The following RBM20 variants were observed in gnomAD, a reference collection of about 807,000 sequenced individuals.
RBM20 encodes the protein RNA-binding protein 20.
In RBM20, 51 loss-of-function variants were observed where a neutral mutation model predicts 110.1. That is an observed-to-expected ratio of 0.46 (90% confidence interval 0.37 to 0.59). The LOEUF (loss-of-function observed/expected upper bound fraction) is 0.59. Among genes scored for constraint, RBM20 ranks in the 20% least tolerant of loss-of-function variants. The pLI, the probability that RBM20 is intolerant of heterozygous loss-of-function variation, is 0.00. For synonymous variants in RBM20, 589 were observed against 618.2 expected (o/e 0.95, Z 0.70); for missense variants, 1,512 against 1,574.9 (o/e 0.96, Z 0.68).
intron 1 of RBM20, among the ~76,000 whole-genome samples, chr10:110,654,383 A>G (rs1861991659): frequency 6.6e-6 from 1 of 152,218 alleles, no homozygotes; most frequent in Admixed American, 6.5e-5. Flanking sequence ...ATTTAACTCT[A>G]TAAGAGACAT....
rs1055497494 is a variant in RBM20 at position 110,739,126 on chromosome 10, GTCTT to G, written c.192-41671_192-41668del. Among the ~76,000 whole-genome samples, 4 of 152,170 alleles carry G rather than the reference GTCTT, an allele frequency of 2.6e-5. No homozygotes were observed. The highest frequency in any genetic ancestry group is 7.2e-5 in the African/African-American group (3 of 41,432). On this transcript the variant is annotated intron_variant, in intron 1 of 13. Coordinates refer to ENST00000369519, the MANE Select transcript of RBM20 (RefSeq NM_001134363.3). This position sits in a 1 kb window ranked among gnomAD's most constrained non-coding sequence, Gnocchi z 4.1. ...TGGCTGGGCACAGGATCAGATGGAT[GTCTT>G]TCTGTCTGTTGACAGGTCCTCCTGA...
intron 13 of RBM20, among the ~76,000 whole-genome samples, chr10:110,833,390 G>GAAAAGAAAAAAAAA (rs1845081506): frequency 1.6e-5 from 1 of 62,202 alleles, no homozygotes; most frequent in Non-Finnish European, 2.9e-5. Context: ...CTCTGTCTCA[G>GAAAAGAAAAAAAAA]AAAAAAAAAA....
At chr10:110,722,647 ACT>A (rs1176260911) in intron 1 of RBM20, among the ~76,000 whole-genome samples, 5 of 151,962 alleles carry the variant, frequency 3.3e-5, no homozygotes, top group Admixed American at 2.6e-4. Context: ...TTTTTCCACC[ACT>A]CTCAAACTCA....
At position 110,821,726 on chromosome 10, in the gene RBM20, A is replaced by G. The variant is rs1171928526; in HGVS notation, c.3107A>G (p.Asp1036Gly). The change falls in exon 11 of 14, where the codon GAT (aspartate) becomes GGT (glycine). Residue 1036 changes from aspartate to glycine, a missense_variant. Around this residue, in one of 3 missense-constraint regions of RBM20, gnomAD observed 358 missense variants for 384.2 expected, o/e 0.93. Coordinates refer to ENST00000369519, the MANE Select transcript of RBM20 (RefSeq NM_001134363.3). Reference sequence around the variant, plus strand: ...GAGGCAAAGGGAGTGGAGAGCTCAGATGTTCATCCAGCCCCTACAGTCCAG... The same window carrying G: ...GAGGCAAAGGGAGTGGAGAGCTCAGGTGTTCATCCAGCCCCTACAGTCCAG... The part of the protein sequence containing the change: ...EKEAKGVESS[D>G]VHPAPTVQQM... 1.3e-6 allele frequency: 2 copies of G among 1,551,750 alleles called. No individual in the cohort carries two copies. Among genetic ancestry groups the G allele is most frequent in the Admixed American group, 3.9e-5 (2 of 51,010 alleles).
chr10:110,767,136 G>C lies in RBM20; in HGVS notation c.192-13665G>C, dbSNP rs548669502. Among the ~76,000 whole-genome samples, 7 of 106,738 alleles carry C rather than the reference G, an allele frequency of 6.6e-5. 1 individual carries two copies. Among genetic ancestry groups the C allele is most frequent in the Non-Finnish European group, 8.1e-5 (4 of 49,536 alleles). 70.0% of individuals were successfully genotyped at this position (106,738 alleles called of 152,430 possible). On this transcript the variant is annotated intron_variant, in intron 1 of 13. Transcript: ENST00000369519. ...GGCTGACCCCCCCCACCTCCCTCCC[G>C]GATGGGGTGGCTGGCCGGGCGGGGG...
intron 1 of RBM20, among the ~76,000 whole-genome samples, chr10:110,680,811 G>A (rs529930213): frequency 1.3e-5 from 2 of 152,254 alleles, no homozygotes; most frequent in African/African-American, 4.8e-5. Flanking sequence ...TCGAGGGTCC[G>A]TTTGCTCAGC....
rs1011448616 is a variant in RBM20 at position 110,838,938 on chromosome 10, C to T, written c.*2960C>T. The T allele has an allele frequency of 2.0e-5, 3 of 152,190 alleles. No homozygotes were observed. Among genetic ancestry groups the T allele is most frequent in the Non-Finnish European group, 4.4e-5 (3 of 68,042 alleles). 9.4% of individuals were successfully genotyped at this position (152,190 alleles called of 1,614,324 possible). On this transcript the variant is annotated 3_prime_UTR_variant, in exon 14 of 14. Transcript: ENST00000369519. ...TTTTTATTTCTATGTGTGCCACACA[C>T]AATGCAGTATTAATGGCAACCAGGT...
intron 1 of RBM20, among the ~76,000 whole-genome samples, chr10:110,715,811 C>T (rs1202686075): frequency 6.6e-6 from 1 of 152,130 alleles, no homozygotes; most frequent in East Asian, 1.9e-4. Flanking sequence ...ATTACAATTA[C>T]AGTACTGAAG....
At chr10:110,726,203 G>A (rs1843558525) in intron 1 of RBM20, among the ~76,000 whole-genome samples, 2 of 152,176 alleles carry the variant, frequency 1.3e-5, no homozygotes, top group Non-Finnish European at 1.5e-5. Context: ...GACCACGAAA[G>A]GGCTCAGGTT....
At position 110,831,232 on chromosome 10, in the gene RBM20, AT is replaced by A. The variant is rs1267288545; in HGVS notation, c.3573+51del. Reference sequence around the variant, plus strand: ...GCATGCCAGGGGCTCCCCAGTCTCCATAACCGAGCCAGGTGTCTGGCGTCCT... The same window carrying A: ...GCATGCCAGGGGCTCCCCAGTCTCCAAACCGAGCCAGGTGTCTGGCGTCCT... On this transcript the variant is annotated intron_variant, in intron 13 of 13. Coordinates refer to ENST00000369519, the MANE Select transcript of RBM20 (RefSeq NM_001134363.3). 4 of 1,533,494 alleles carry A rather than the reference AT, an allele frequency of 2.6e-6. No homozygotes were observed. In the African/African-American group the frequency reaches 5.5e-5, roughly 21 times the overall value. The allele number at this position is 1,533,494 out of a possible 1,614,324, so 95.0% of individuals were successfully genotyped here. A position where few individuals can be genotyped will look rare whatever the true frequency, so the allele number is the denominator to read the frequency against.
At chr10:110,720,018 C>T (rs1159436944) in intron 1 of RBM20, among the ~76,000 whole-genome samples, 3 of 151,956 alleles carry the variant, frequency 2.0e-5, no homozygotes, top group South Asian at 2.1e-4. Context: ...GCTGTACCCT[C>T]CTATGGCAAG....
chr10:110,802,270 C>G (rs1844636526), intron 7 of RBM20, among the ~76,000 whole-genome samples: 1 of 152,140 alleles, frequency 6.6e-6, no homozygotes, highest in African/African-American at 2.4e-5. Context: ...TGACAAGTCT[C>G]CATATGTAGA....
chr10:110,796,100 A>G (rs1178532789), intron 5 of RBM20, among the ~76,000 whole-genome samples: 3 of 152,338 alleles, frequency 2.0e-5, no homozygotes. Context: ...GATTCCCACA[A>G]ACTTTCTATG....
At chr10:110,661,920 A>C (rs1471047517) in intron 1 of RBM20, among the ~76,000 whole-genome samples, 1 of 151,912 alleles carries the variant, frequency 6.6e-6, no homozygotes, top group Non-Finnish European at 1.5e-5. Context: ...CTGAGGCAGG[A>C]GAATCGCTTG....
At chr10:110,827,561 T>C (rs1359588850) in intron 12 of RBM20, among the ~76,000 whole-genome samples, 2 of 152,220 alleles carry the variant, frequency 1.3e-5, no homozygotes, top group African/African-American at 4.8e-5. Flanking sequence ...ATCCCCTGTC[T>C]ACTACCTACT....
At chr10:110,685,318 G>A (rs1464085759) in intron 1 of RBM20, among the ~76,000 whole-genome samples, 1 of 152,194 alleles carries the variant, frequency 6.6e-6, no homozygotes, top group Non-Finnish European at 1.5e-5. Flanking sequence ...AGTGCCCTGT[G>A]CCCTTCTGAG....
At chr10:110,676,862 T>C (rs1862347443) in intron 1 of RBM20, among the ~76,000 whole-genome samples, 2 of 152,204 alleles carry the variant, frequency 1.3e-5, no homozygotes, top group African/African-American at 4.8e-5. Flanking sequence ...AGGTTTAAAA[T>C]ATATGTAGCT....
intron 5 of RBM20, among the ~76,000 whole-genome samples, chr10:110,788,901 C>A (rs12774122): frequency 0.046 from 7,013 of 152,194 alleles, 219 homozygotes; most frequent in African/African-American, 0.08. Flanking sequence ...ATATACATTT[C>A]TAATGTTTTT....
chr10:110,699,210 A>G (rs571515339), intron 1 of RBM20, among the ~76,000 whole-genome samples: 7 of 150,930 alleles, frequency 4.6e-5, no homozygotes, highest in African/African-American at 1.5e-4. Context: ...TACTCAAGGC[A>G]TGCTGATTTT....
Sources: gnomAD v4.1 joint callset for allele counts (sites outside exome capture counted in the v4.1 genomes callset) on GRCh38, gnomAD v4.1.1 for gene constraint, gnomAD v4.1.1 regional missense constraint, Gnocchi (gnomAD v3.1) non-coding constraint, MANE v1.5 for transcripts, NCBI Gene and HGNC (gene_info 2026-07-23, HGNC 2026-07-21) for gene names.